SH3GL2: variants seen among roughly 807,000 people sequenced by gnomAD.
SH3GL2 encodes the protein endophilin-A1.
A neutral mutation model predicts 46.0 loss-of-function variants in SH3GL2; 24 were observed. That is an observed-to-expected ratio of 0.52 (90% CI 0.38 to 0.73). The LOEUF is 0.73. Among genes scored for constraint, SH3GL2 ranks in the 30% least tolerant of loss-of-function variants. The pLI, the probability that SH3GL2 is intolerant of heterozygous loss-of-function variation, is 0.00. For synonymous variants in SH3GL2, 196 were observed against 147.1 expected (o/e 1.33, Z -2.40); for missense variants, 413 against 424.2 (o/e 0.97, Z 0.23).
intron 1 of SH3GL2, among the ~76,000 whole-genome samples, chr9:17,686,458 T>TA (rs1820913003): frequency 7.0e-6 from 1 of 143,130 alleles, no homozygotes; most frequent in Non-Finnish European, 1.5e-5. Context: ...CAAAGGACTA[T>TA]AAATCATGCT....
At chr9:17,603,092 G>C (rs1411817706) in intron 1 of SH3GL2, among the ~76,000 whole-genome samples, 3 of 152,178 alleles carry the variant, frequency 2.0e-5, no homozygotes, top group African/African-American at 4.8e-5. Flanking sequence ...CTTTTGGTCT[G>C]TGTTGGAGAG....
chr9:17,688,561 C>T (rs1820987916), intron 1 of SH3GL2, among the ~76,000 whole-genome samples: 1 of 151,880 alleles, frequency 6.6e-6, no homozygotes. Context: ...ACCAGGGCAC[C>T]TCGGAGAAAT....
chr9:17,713,255 C>G (rs1006621063), intron 1 of SH3GL2, among the ~76,000 whole-genome samples: 2 of 151,452 alleles, frequency 1.3e-5, no homozygotes, highest in African/African-American at 2.4e-5. Flanking sequence ...TAGTGATATC[C>G]TCTATCATTT....
intron 3 of SH3GL2, among the ~76,000 whole-genome samples, chr9:17,773,700 C>T (rs1157345363): frequency 6.6e-6 from 1 of 152,010 alleles, no homozygotes; most frequent in African/African-American, 2.4e-5. Flanking sequence ...ACTGTATTAC[C>T]ATAGCTTTGT....
chr9:17,699,433 G>T (rs1037919729), intron 1 of SH3GL2, among the ~76,000 whole-genome samples: 1 of 152,124 alleles, frequency 6.6e-6, no homozygotes, highest in Non-Finnish European at 1.5e-5. Flanking sequence ...ACCCTCCAGG[G>T]ATATTCTCTC....
chr9:17,690,682 C>G (rs576860705), intron 1 of SH3GL2, among the ~76,000 whole-genome samples: 1 of 152,242 alleles, frequency 6.6e-6, no homozygotes, highest in African/African-American at 2.4e-5. Context: ...GAATTACTCT[C>G]TCTCCATTCT....
chr9:17,740,856 A>G (rs768610995), intron 1 of SH3GL2, among the ~76,000 whole-genome samples: 1 of 152,142 alleles, frequency 6.6e-6, no homozygotes, highest in East Asian at 1.9e-4. Context: ...AAACAGATCT[A>G]GTGTTAGATG....
chr9:17,605,223 C>G (rs1340607649), intron 1 of SH3GL2, among the ~76,000 whole-genome samples: 2 of 152,072 alleles, frequency 1.3e-5, no homozygotes, highest in Non-Finnish European at 2.9e-5. Flanking sequence ...AAATGATCCT[C>G]TTGTCTTGGC....
rs762920242 is a variant in SH3GL2, at chr9:17,614,295, G to GGAAAAAAAAAAAAAAA, written c.45+35008_45+35009insGAAAAAAAAAAAAAAA. Among the ~76,000 whole-genome samples, 11 of 70,298 alleles carry GGAAAAAAAAAAAAAAA rather than the reference G, an allele frequency of 1.6e-4. 1 individual carries two copies. In the East Asian group the frequency reaches 2.1e-3, roughly 13 times the overall value. The allele number at this position is 70,298 out of a possible 152,430, so 46.1% of individuals were successfully genotyped here. Reference sequence around the variant, plus strand: ...GTGACAGGGAACATGCATGGTTTCTGAAAAAAAAAAAAAAAAAAAAAAAAA... The same window carrying GGAAAAAAAAAAAAAAA: ...GTGACAGGGAACATGCATGGTTTCTGGAAAAAAAAAAAAAAAAAAAAAAAAAAAAAAAAAAAAAAAA... On this transcript the variant is annotated intron_variant, in intron 1 of 8. Transcript: ENST00000380607.
chr9:17,768,066 C>T (rs542551742), intron 3 of SH3GL2, among the ~76,000 whole-genome samples: 1 of 152,214 alleles, frequency 6.6e-6, no homozygotes, highest in African/African-American at 2.4e-5. Flanking sequence ...AAAGCCAGAT[C>T]TTGCTTAAAA....
At chr9:17,704,305 T>C (rs1821413200) in intron 1 of SH3GL2, among the ~76,000 whole-genome samples, 2 of 151,940 alleles carry the variant, frequency 1.3e-5, no homozygotes, top group African/African-American at 2.4e-5. Context: ...CTCAAAGAAA[T>C]GGAAAATATT....
At chr9:17,661,256 T>A (rs1237990808) in intron 1 of SH3GL2, among the ~76,000 whole-genome samples, 2 of 152,234 alleles carry the variant, frequency 1.3e-5, no homozygotes, top group African/African-American at 4.8e-5. Context: ...TTTAGCCCTG[T>A]GCTGTTGATT....
At position 17,724,302 on chromosome 9, in the gene SH3GL2, C is replaced by T. The variant is rs1355498978; in HGVS notation, c.46-22764C>T. Among the ~76,000 whole-genome samples the T allele has an allele frequency of 2.6e-5, 4 of 152,080 alleles. No individual in the cohort carries two copies. The East Asian group carries it at 7.7e-4, about 29-fold the overall frequency. On this transcript the variant is annotated intron_variant, in intron 1 of 8. Transcript: ENST00000380607. Reference sequence around the variant, plus strand: ...TGAATTTTTCATGCAAATTTTTATACTCTTCAAGAGTCCCATTTGACTCTT... The same window carrying T: ...TGAATTTTTCATGCAAATTTTTATATTCTTCAAGAGTCCCATTTGACTCTT...
intron 1 of SH3GL2, among the ~76,000 whole-genome samples, chr9:17,683,527 A>C (rs1468105113): frequency 6.6e-6 from 1 of 152,056 alleles, no homozygotes; most frequent in African/African-American, 2.4e-5. Context: ...AATATTATCC[A>C]CTGGGACTAT....
At chr9:17,623,784 A>G (rs1819213448) in intron 1 of SH3GL2, among the ~76,000 whole-genome samples, 1 of 151,942 alleles carries the variant, frequency 6.6e-6, no homozygotes, top group South Asian at 2.1e-4. Context: ...ATGTTACTAT[A>G]TCATGGTCCT....
At chr9:17,760,215 A>G (rs1274514616) in intron 2 of SH3GL2, among the ~76,000 whole-genome samples, 2 of 152,224 alleles carry the variant, frequency 1.3e-5, no homozygotes, top group Admixed American at 6.5e-5. Context: ...GCATCCTTCT[A>G]AAGATAATTT....
intron 1 of SH3GL2, among the ~76,000 whole-genome samples, chr9:17,640,967 C>G (rs949711070): frequency 2.0e-5 from 3 of 151,982 alleles, no homozygotes; most frequent in African/African-American, 4.8e-5. Flanking sequence ...TAGAGATTAT[C>G]TAAACTTAGG....
chr9:17,591,751 C>G (rs1050300700), intron 1 of SH3GL2, among the ~76,000 whole-genome samples: 1 of 152,130 alleles, frequency 6.6e-6, no homozygotes, highest in Non-Finnish European at 1.5e-5. Flanking sequence ...GATATAAAGC[C>G]TGGAACATTG....
intron 1 of SH3GL2, among the ~76,000 whole-genome samples, chr9:17,654,268 A>G (rs1250352497): frequency 2.0e-5 from 3 of 152,200 alleles, no homozygotes; most frequent in African/African-American, 7.2e-5. Context: ...CTCATGTATC[A>G]TTCATAATAT....
Sources: allele counts gnomAD v4.1 joint callset (sites outside exome capture counted in the v4.1 genomes callset), GRCh38; gene constraint gnomAD v4.1.1; transcripts MANE v1.5; gene names NCBI Gene and HGNC (gene_info 2026-07-23, HGNC 2026-07-21).